The following ZNF43 variants were observed in gnomAD, a reference collection of about 807,000 sequenced individuals.
ZNF43 encodes zinc finger protein 43, also known as zinc finger protein 39-like 1 (KOX 27).
A neutral mutation model predicts 68.4 loss-of-function variants in ZNF43; 44 were observed. The observed-to-expected ratio is 0.64, with a 90% CI of 0.51 to 0.83. ZNF43 has a LOEUF of 0.83. ZNF43 is among the 40% of genes least tolerant of loss of function. The pLI is 0.00. For synonymous variants in ZNF43, 308 were observed against 307.8 expected, an observed-to-expected ratio of 1.00 and a Z score of -0.01; for missense variants, 896 against 933.2, an observed-to-expected ratio of 0.96 and a Z score of 0.52.
Position 21,807,585 on chromosome 19 carries a change from T to C in ZNF43, c.*22A>G. 6.6e-7 allele frequency: 1 copy of C among 1,511,508 alleles called. No homozygotes were observed. Among genetic ancestry groups the C allele is most frequent in the Non-Finnish European group, 8.8e-7 (1 of 1,131,772 alleles). The allele number at this position is 1,511,508 out of a possible 1,614,324, so 93.6% of individuals were successfully genotyped here. On this transcript the variant is annotated 3_prime_UTR_variant, in exon 4 of 4. Coordinates refer to ENST00000354959, the MANE Select transcript of ZNF43 (RefSeq NM_003423.4). ...GCCTTTATCACATTCTTTACATTTC[T>C]AGAATTTCTCACCAGTATAATTTAT...
At chr19:21,843,955 A>AT (rs1160319379) in intron 1 of ZNF43, among the ~76,000 whole-genome samples, 1 of 152,098 alleles carries the variant, frequency 6.6e-6, no homozygotes, top group African/African-American at 2.4e-5. Flanking sequence ...AGGGATGACA[A>AT]TATTTACTGT....
In ZNF43 at chr19:21,818,505, C is replaced by T. The variant is rs183188692; in HGVS notation, c.131-519G>A. ...GCACGATCTCGGCTCACTGCAACCTCCACCTCCTGGGTTCAAGCCATTCTC... is the reference window on the plus strand; with the variant it reads ...GCACGATCTCGGCTCACTGCAACCTTCACCTCCTGGGTTCAAGCCATTCTC... On this transcript the variant is annotated intron_variant, in intron 2 of 3. Transcript: ENST00000354959. 4.1e-3 allele frequency among the ~76,000 whole-genome samples: 623 copies of T among 152,256 alleles called. 9 individuals are homozygous for T. The highest frequency in any genetic ancestry group is 0.014 in the African/African-American group (595 of 41,546).
chr19:21,848,822 C>T (rs1276210764), intron 1 of ZNF43, among the ~76,000 whole-genome samples: 1 of 152,126 alleles, frequency 6.6e-6, no homozygotes, highest in Non-Finnish European at 1.5e-5. Context: ...TGAATTGAAC[C>T]TGTGCATAAG....
At chr19:21,828,392 A>C (rs914592565) in intron 1 of ZNF43, among the ~76,000 whole-genome samples, 13 of 152,074 alleles carry the variant, frequency 8.5e-5, no homozygotes, top group African/African-American at 2.9e-4. Context: ...ATCCTGGCTA[A>C]CACGGTGAAA....
At position 21,806,529 on chromosome 19, in the gene ZNF43, A is replaced by G. The variant is rs2036949615; in HGVS notation, c.*1078T>C. 6.6e-6 allele frequency: 1 copy of G among 152,194 alleles called. No homozygotes were observed. The highest frequency in any genetic ancestry group is 1.5e-5 in the Non-Finnish European group (1 of 68,042). The allele number at this position is 152,194 out of a possible 1,614,324, so 9.4% of individuals were successfully genotyped here. A position where few individuals can be genotyped will look rare whatever the true frequency, so the allele number is the denominator to read the frequency against. ...TGTTTTAAATAATGCCCACCTAATA[A>G]AAGAATCTCTCATATCTTTGGTGCA... On this transcript the variant is annotated 3_prime_UTR_variant, in exon 4 of 4. Coordinates refer to ENST00000354959, the MANE Select transcript of ZNF43 (RefSeq NM_003423.4).
At chr19:21,835,192 G>A (rs1242558458) in intron 1 of ZNF43, among the ~76,000 whole-genome samples, 1 of 140,260 alleles carries the variant, frequency 7.1e-6, no homozygotes, top group East Asian at 2.2e-4. Context: ...GAGGTTGCAG[G>A]GAGCCGAGAT....
At chr19:21,846,232 T>A (rs1282499904) in intron 1 of ZNF43, among the ~76,000 whole-genome samples, 3 of 152,146 alleles carry the variant, frequency 2.0e-5, no homozygotes, top group African/African-American at 7.2e-5. Flanking sequence ...TCACATCGCA[T>A]GGGTGCTGGG....
chr19:21,817,740 T>G lies in ZNF43; in HGVS notation c.229+148A>C, dbSNP rs899236195. On this transcript the variant is annotated intron_variant, in intron 3 of 3. Coordinates refer to ENST00000354959, the MANE Select transcript of ZNF43 (RefSeq NM_003423.4). ...AAGCATAAGACAGAAGATACCCTTGTGTGAAAGCAAAATGAAAAAACTCAG... is the reference window on the plus strand; with the variant it reads ...AAGCATAAGACAGAAGATACCCTTGGGTGAAAGCAAAATGAAAAAACTCAG... 1.6e-5 allele frequency: 12 copies of G among 760,010 alleles called. No individual in the cohort carries two copies. In the African/African-American group the frequency reaches 2.1e-4, roughly 13 times the overall value. The allele number at this position is 760,010 out of a possible 1,614,324, so 47.1% of individuals were successfully genotyped here.
chr19:21,821,138 ATTTT>A (rs74174043), intron 1 of ZNF43, among the ~76,000 whole-genome samples: 49 of 118,542 alleles, frequency 4.1e-4, no homozygotes, highest in African/African-American at 1.4e-3. Context: ...CCCGGCTGTA[ATTTT>A]TTTTTTTTTT....
intron 1 of ZNF43, among the ~76,000 whole-genome samples, chr19:21,844,053 A>G (rs1967730542): frequency 6.6e-6 from 1 of 152,126 alleles, no homozygotes. Flanking sequence ...GGCTTTATAC[A>G]ATATACAGGA....
chr19:21,827,802 C>T (rs1390766615), intron 1 of ZNF43, among the ~76,000 whole-genome samples: 2 of 151,962 alleles, frequency 1.3e-5, no homozygotes, highest in East Asian at 3.9e-4. Context: ...GCTAGGATTA[C>T]AGGCATGCAC....
chr19:21,845,632 G>A (rs10409170), intron 1 of ZNF43: 25,295 of 152,128 alleles, frequency 0.17, 2,418 homozygotes, highest in Non-Finnish European at 0.22. Context: ...AGTGGCTCAC[G>A]CCTGTAATCT....
intron 2 of ZNF43, among the ~76,000 whole-genome samples, chr19:21,818,831 T>C (rs533333491): frequency 1.4e-4 from 22 of 152,324 alleles, no homozygotes; most frequent in African/African-American, 4.6e-4. Context: ...TTTTAAGTTG[T>C]GGGCAACAGT....
chr19:21,834,108 CGGGT>C (rs1180949245), intron 1 of ZNF43, among the ~76,000 whole-genome samples: 1 of 151,774 alleles, frequency 6.6e-6, no homozygotes, highest in African/African-American at 2.4e-5. Flanking sequence ...GTGGCGGAGG[CGGGT>C]GGATCATCTG....
At chr19:21,848,126 T>C (rs1225558080) in intron 1 of ZNF43, among the ~76,000 whole-genome samples, 4 of 151,594 alleles carry the variant, frequency 2.6e-5, no homozygotes, top group African/African-American at 9.7e-5. Flanking sequence ...CGGCCTTATA[T>C]GTAACAATTT....
chr19:21,816,655 A>T (rs1453309107), intron 3 of ZNF43, among the ~76,000 whole-genome samples: 3 of 152,222 alleles, frequency 2.0e-5, no homozygotes, highest in South Asian at 4.1e-4. Context: ...CAGTTCAATG[A>T]CTGTTCCAGC....
chr19:21,816,035 T>A (rs2145201763), intron 3 of ZNF43, among the ~76,000 whole-genome samples: 1 of 149,488 alleles, frequency 6.7e-6, no homozygotes, highest in East Asian at 2.0e-4. Flanking sequence ...CACTCCAGCC[T>A]GGGCAACAGA....
At position 21,809,278 on chromosome 19, in the gene ZNF43, A is replaced by G. The variant is rs2037155541; in HGVS notation, c.759T>C (p.Thr253=). ...CTTCACATTTGTAGAGTTTGTATCT[A>G]GTATAATTTTTTTTATGTGTAGTAA... The part of the protein sequence containing the change: ...SRLTTHKKNY[T]RYKLYKCEEC... Residue 253 remains threonine, a synonymous_variant, in exon 4 of 4, where the codon ACT becomes ACC. Transcript: ENST00000354959. 1.2e-6 allele frequency: 2 copies of G among 1,613,424 alleles called. No homozygotes were observed. The highest frequency in any genetic ancestry group is 1.7e-6 in the Non-Finnish European group (2 of 1,179,808).
chr19:21,817,355 C>G (rs2037578395), intron 3 of ZNF43, among the ~76,000 whole-genome samples: 1 of 151,738 alleles, frequency 6.6e-6, no homozygotes, highest in Non-Finnish European at 1.5e-5. Flanking sequence ...CTAGAATAAA[C>G]TTTGAACAAA....
Sources: allele counts gnomAD v4.1 joint callset (sites outside exome capture counted in the v4.1 genomes callset), GRCh38; gene constraint gnomAD v4.1.1; transcripts MANE v1.5; gene names NCBI Gene and HGNC (gene_info 2026-07-23, HGNC 2026-07-21).